USP49: variants seen among roughly 807,000 people sequenced by gnomAD.
The protein encoded by USP49 is ubiquitin carboxyl-terminal hydrolase 49.
A neutral mutation model predicts 58.6 loss-of-function variants in USP49; 24 were observed. The observed-to-expected ratio is 0.41, with a 90% CI of 0.30 to 0.58. USP49 has a LOEUF of 0.58. Ranked by LOEUF, USP49 falls within the 20% of genes least tolerant of loss-of-function variation. The pLI is 0.30. For missense variants in USP49, 703 were observed against 866.1 expected (o/e 0.81, Z 2.36); for synonymous variants, 408 against 365.1 (o/e 1.12, Z -1.34).
chr6:41,814,769 G>C (rs1027219608), intron 3 of USP49, among the ~76,000 whole-genome samples: 11 of 152,212 alleles, frequency 7.2e-5, no homozygotes, highest in Non-Finnish European at 1.3e-4. Flanking sequence ...GTGAGACCAA[G>C]TGGCATAAAT....
At chr6:41,866,659 G>T (rs562894794) in intron 3 of USP49, among the ~76,000 whole-genome samples, 1 of 152,266 alleles carries the variant, frequency 6.6e-6, no homozygotes, top group East Asian at 1.9e-4. Flanking sequence ...GAGAAGAGTG[G>T]CCTTATTTTA....
intron 3 of USP49, among the ~76,000 whole-genome samples, chr6:41,808,587 T>C (rs907980784): frequency 6.6e-6 from 1 of 152,034 alleles, no homozygotes; most frequent in African/African-American, 2.4e-5. Flanking sequence ...TTTTTTTGTA[T>C]TTTTAGTAGA....
intron 3 of USP49, among the ~76,000 whole-genome samples, chr6:41,827,520 A>G (rs1384655216): frequency 6.6e-6 from 1 of 151,764 alleles, no homozygotes; most frequent in African/African-American, 2.4e-5. Context: ...ATTAGCCAGC[A>G]GTGGTGGTGG....
chr6:41,802,466 TTATTTTTTATTTA>T (rs1165352714), intron 5 of USP49, among the ~76,000 whole-genome samples: 9 of 84,346 alleles, frequency 1.1e-4, no homozygotes, highest in South Asian at 3.8e-4. Context: ...ATTTATTTAT[TTATTTTTTATTTA>T]TTTTTTTTTT....
Position 41,876,451 on chromosome 6 carries a change from C to G in USP49, c.-102-4814G>C, listed in dbSNP as rs145358513. 5.6e-3 allele frequency among the ~76,000 whole-genome samples: 849 copies of G among 152,206 alleles called. 10 individuals carry two copies. Among genetic ancestry groups the G allele is most frequent in the Non-Finnish European group, 8.6e-3 (588 of 68,018 alleles). ...TTTTAAATTAAGACAGAGCTTCGCT[C>G]TGTTGCCCAGGCTAGAGTGCAGTGG... On this transcript the variant is annotated intron_variant, in intron 2 of 7. Coordinates refer to ENST00000682992, the MANE Select transcript of USP49 (RefSeq NM_001286554.2).
intron 3 of USP49, among the ~76,000 whole-genome samples, chr6:41,854,174 G>A (rs546662136): frequency 3.3e-5 from 5 of 150,466 alleles, no homozygotes; most frequent in Non-Finnish European, 7.4e-5. Context: ...AAAAATACCT[G>A]GGTGTGGTGG....
intron 5 of USP49, among the ~76,000 whole-genome samples, chr6:41,801,076 G>A (rs1199781082): frequency 6.6e-6 from 1 of 152,218 alleles, no homozygotes; most frequent in Admixed American, 6.5e-5. Flanking sequence ...GATTATGGGT[G>A]TGAGCCCACT....
chr6:41,875,340 T>A (rs1190520034), intron 2 of USP49, among the ~76,000 whole-genome samples: 1 of 152,210 alleles, frequency 6.6e-6, no homozygotes, highest in East Asian at 1.9e-4. Context: ...GCAAGCTCAA[T>A]AAGGTGGCAC....
At chr6:41,878,679 T>A (rs1265430372) in intron 2 of USP49, among the ~76,000 whole-genome samples, 1 of 152,208 alleles carries the variant, frequency 6.6e-6, no homozygotes, top group Non-Finnish European at 1.5e-5. Context: ...ATCAAGCACT[T>A]CTTATAAATA....
intron 2 of USP49, among the ~76,000 whole-genome samples, chr6:41,877,362 T>C (rs1309581648): frequency 6.6e-6 from 1 of 152,202 alleles, no homozygotes; most frequent in East Asian, 1.9e-4. Flanking sequence ...TTTATTAAAA[T>C]GCTTCCTCAC....
chr6:41,801,220 T>C (rs982077760), intron 5 of USP49, among the ~76,000 whole-genome samples: 3 of 152,236 alleles, frequency 2.0e-5, no homozygotes, highest in African/African-American at 7.2e-5. Context: ...AATTGGTAAA[T>C]GGATGAGAGT....
In USP49 at chr6:41,799,919, A is replaced by ATTG. The variant is rs750529282; in HGVS notation, c.1578_1580dup (p.Asn527dup). On this transcript the variant is annotated inframe_insertion, in exon 6 of 8. Coordinates refer to ENST00000682992, the MANE Select transcript of USP49 (RefSeq NM_001286554.2). ...CTTCACTCAGAACAAGGGGTTTGGGATTGGATTTTCGTCGTTTGCCTATGT... is the reference window on the plus strand; with the variant it reads ...CTTCACTCAGAACAAGGGGTTTGGGATTGTTGGATTTTCGTCGTTTGCCTATGT... 1.2e-6 allele frequency: 2 copies of ATTG among 1,613,970 alleles called. No homozygotes were observed. Among genetic ancestry groups the ATTG allele is most frequent in the African/African-American group, 2.7e-5 (2 of 74,928 alleles).
intron 2 of USP49, among the ~76,000 whole-genome samples, chr6:41,889,527 T>C (rs115458954): frequency 0.013 from 1,988 of 152,288 alleles, 27 homozygotes; most frequent in South Asian, 0.062. Context: ...CATCCATGCA[T>C]GAGCACACCA....
At chr6:41,822,845 A>G (rs1328497203) in intron 3 of USP49, among the ~76,000 whole-genome samples, 1 of 152,078 alleles carries the variant, frequency 6.6e-6, no homozygotes, top group Non-Finnish European at 1.5e-5. Context: ...ACTTTTAAGT[A>G]CTTGGTTTCA....
chr6:41,816,702 C>CTATTATTAT (rs10631115), intron 3 of USP49, among the ~76,000 whole-genome samples: 2,764 of 149,618 alleles, frequency 0.018, 61 homozygotes, highest in African/African-American at 0.055. Flanking sequence ...GTTCCACACT[C>CTATTATTAT]TATTATTATT....
At chr6:41,819,830 C>A (rs1773422976) in intron 3 of USP49, among the ~76,000 whole-genome samples, 1 of 152,184 alleles carries the variant, frequency 6.6e-6, no homozygotes, top group African/African-American at 2.4e-5. Flanking sequence ...GCTAAAAGAA[C>A]TGAGCCTGAG....
intron 3 of USP49, among the ~76,000 whole-genome samples, chr6:41,852,134 T>C (rs970044478): frequency 1.3e-5 from 2 of 152,026 alleles, no homozygotes; most frequent in Non-Finnish European, 1.5e-5. Context: ...GAGACTAGCC[T>C]GACCAACATG....
intron 3 of USP49, among the ~76,000 whole-genome samples, chr6:41,816,229 C>T (rs777682180): frequency 6.6e-6 from 1 of 152,190 alleles, no homozygotes; most frequent in Non-Finnish European, 1.5e-5. Context: ...TTTTTAGATT[C>T]TTTCTCCTTC....
At chr6:41,802,428 T>TTTTATTTTATTTTATTTTTTTTATTTA (rs10688447) in intron 5 of USP49, among the ~76,000 whole-genome samples, 3 of 106,432 alleles carry the variant, frequency 2.8e-5, no homozygotes, top group Non-Finnish European at 5.7e-5. Context: ...TTTTATTTTA[T>TTTTATTTTATTTTATTTTTTTTATTTA]TTTATTTATT....
Sources: allele counts gnomAD v4.1 joint callset (sites outside exome capture counted in the v4.1 genomes callset), GRCh38; gene constraint gnomAD v4.1.1; transcripts MANE v1.5; gene names NCBI Gene and HGNC (gene_info 2026-07-23, HGNC 2026-07-21).